Variants in AGFG2 observed in about 807,000 individuals in gnomAD.
AGFG2 encodes ArfGAP with FG repeats 2.
AGFG2 carries 31 observed loss-of-function variants against 48.0 expected under a neutral mutation model. That is an observed-to-expected ratio of 0.65 (90% confidence interval 0.49 to 0.87). AGFG2 has a LOEUF of 0.87. Ranked by LOEUF, AGFG2 falls within the 40% of genes least tolerant of loss-of-function variation. The pLI is 0.00. For missense variants in AGFG2, 599 were observed against 632.6 expected (o/e 0.95, Z 0.57); for synonymous variants, 229 against 260.8 (o/e 0.88, Z 1.18).
rs180994988 is a variant in AGFG2 at position 100,557,538 on chromosome 7, C to T, written c.877+1803C>T. ...GTGCAATGGCGTGATCTCATTCAAG[C>T]GATTCTCCTGCCTCAGCCTCCTGAG... is the stretch of plus-strand genomic sequence containing the variant. On this transcript the variant is annotated intron_variant, in intron 6 of 11. Coordinates refer to ENST00000300176, the MANE Select transcript of AGFG2 (RefSeq NM_006076.5). Among the ~76,000 whole-genome samples the T allele has an allele frequency of 2.8e-3, 419 of 152,230 alleles. 1 individual carries two copies. Among genetic ancestry groups the T allele is most frequent in the Non-Finnish European group, 4.9e-3 (334 of 67,988 alleles).
At chr7:100,551,750 G>C (rs1353070770) in intron 3 of AGFG2, among the ~76,000 whole-genome samples, 6 of 150,460 alleles carry the variant, frequency 4.0e-5, no homozygotes, top group African/African-American at 1.2e-4. Flanking sequence ...AGCTGGGTGT[G>C]GGGGTGGACA....
At chr7:100,547,957 T>C (rs1371635322) in intron 1 of AGFG2, among the ~76,000 whole-genome samples, 1 of 152,218 alleles carries the variant, frequency 6.6e-6, no homozygotes, top group Non-Finnish European at 1.5e-5. Flanking sequence ...TAGAGACTGT[T>C]TTTTGTCACC....
intron 1 of AGFG2, among the ~76,000 whole-genome samples, chr7:100,540,881 G>A (rs189619240): frequency 1.3e-4 from 20 of 151,926 alleles, no homozygotes; most frequent in Admixed American, 2.6e-4. Flanking sequence ...GTGTGGTGGC[G>A]CGCACCTGTA....
At position 100,564,974 on chromosome 7, in the gene AGFG2, A is replaced by G; in HGVS notation, c.1429A>G (p.Thr477Ala). 1 of 1,613,852 alleles carries G rather than the reference A, an allele frequency of 6.2e-7. No individual in the cohort carries two copies. Among genetic ancestry groups the G allele is most frequent in the Non-Finnish European group, 8.5e-7 (1 of 1,179,924 alleles). The change falls in exon 12 of 12, where the codon ACC (threonine) becomes GCC (alanine). Residue 477 changes from threonine (T) to alanine (A), a missense_variant. By Grantham distance (58) the Thr-to-Ala change is moderately conservative (BLOSUM62 0). Coordinates refer to ENST00000300176, the MANE Select transcript of AGFG2 (RefSeq NM_006076.5). ...SSPFASKPPT[T>A]NPFL is the part of the protein sequence containing the mutation. Reference sequence around the variant, plus strand: ...CCCATTCGCCTCCAAACCTCCAACCACCAACCCCTTCTTGTAGCACTGTGT... The same window carrying G: ...CCCATTCGCCTCCAAACCTCCAACCGCCAACCCCTTCTTGTAGCACTGTGT...
In AGFG2 at chr7:100,566,674, C is replaced by T. The variant is rs978680226; in HGVS notation, c.*1683C>T. Reference sequence around the variant, plus strand: ...GGATTGGCCTCCCTGTCTTTTCCAACAATCAGGACCCCATCCTGTCTGTTC... The same window carrying T: ...GGATTGGCCTCCCTGTCTTTTCCAATAATCAGGACCCCATCCTGTCTGTTC... On this transcript the variant is annotated 3_prime_UTR_variant, in exon 12 of 12. Transcript: ENST00000300176. 2.0e-5 allele frequency: 3 copies of T among 152,292 alleles called. No individual in the cohort carries two copies. Among genetic ancestry groups the T allele is most frequent in the East Asian group, 1.9e-4 (1 of 5,196 alleles). 9.4% of individuals were successfully genotyped at this position (152,292 alleles called of 1,614,324 possible). A position where few individuals can be genotyped will look rare whatever the true frequency, so the allele number is the denominator to read the frequency against.
chr7:100,551,019 GC>G (rs1800620680), intron 3 of AGFG2, among the ~76,000 whole-genome samples: 1 of 103,014 alleles, frequency 9.7e-6, no homozygotes, highest in African/African-American at 3.9e-5. Flanking sequence ...GTGCCACCAT[GC>G]CTGGCTAATT....
intron 9 of AGFG2, 91 bp from the exon 10 acceptor site, chr7:100,563,743 C>G: frequency 6.4e-7 from 1 of 1,558,510 alleles, no homozygotes; most frequent in Non-Finnish European, 8.7e-7. Context: ...AAACTATATC[C>G]CATTTTCCCA....
chr7:100,539,591 C>T (rs1800382830), intron 1 of AGFG2, 24 bp downstream of exon 1: 2 of 751,892 alleles, frequency 2.7e-6, no homozygotes, highest in Admixed American at 7.4e-5. Context: ...AGGGAGTGGC[C>T]GAGGTCGGCG....
At chr7:100,564,639 G>A (rs1395739298) in intron 11 of AGFG2, among the ~76,000 whole-genome samples, 1 of 152,004 alleles carries the variant, frequency 6.6e-6, no homozygotes, top group Admixed American at 6.5e-5. Context: ...AAGTAGCAGG[G>A]ACTACAGGTG....
At chr7:100,554,555 G>A (rs6970240) in intron 5 of AGFG2, among the ~76,000 whole-genome samples, 9,752 of 152,206 alleles carry the variant, frequency 0.064, 320 homozygotes, top group Middle Eastern at 0.078. Flanking sequence ...GGATTATCAT[G>A]TGTTCCAGTT....
At chr7:100,561,732 A>G (rs1163337212) in intron 6 of AGFG2, among the ~76,000 whole-genome samples, 1 of 152,194 alleles carries the variant, frequency 6.6e-6, no homozygotes, top group Non-Finnish European at 1.5e-5. Context: ...CTCCAGGCTC[A>G]GGGCACTGGG....
At position 100,539,346 on chromosome 7, in the gene AGFG2, G is replaced by T; in HGVS notation, c.-1G>T. ...GACTAGCGGGGAGGGAGTGGGCAGC[G>T]ATGGTGATGGCGGCGAAGAAGGGCC... On this transcript the variant is annotated 5_prime_UTR_variant, in exon 1 of 12. Coordinates refer to ENST00000300176, the MANE Select transcript of AGFG2 (RefSeq NM_006076.5). 7.9e-7 allele frequency: 1 copy of T among 1,270,518 alleles called. No homozygotes were observed. The highest frequency in any genetic ancestry group is 1.0e-6 in the Non-Finnish European group (1 of 1,004,288). The allele number at this position is 1,270,518 out of a possible 1,614,324, so 78.7% of individuals were successfully genotyped here.
chr7:100,564,915 T>C lies in AGFG2; in HGVS notation c.1387-17T>C, dbSNP rs1328926450. ...TCCTCTCCCCTAACTGGAAAATGTA[T>C]TGTTCTTTCTTTCCAGACTGGACCC... On this transcript the variant is annotated splice_polypyrimidine_tract_variant and intron_variant, in intron 11 of 11. Transcript: ENST00000300176. The C allele has an allele frequency of 3.1e-6, 5 of 1,613,538 alleles. No individual in the cohort carries two copies. The East Asian group carries it at 8.9e-5, about 29-fold the overall frequency.
rs566696610 is a variant in AGFG2, at chr7:100,545,918, C to T, written c.222-2904C>T. Among the ~76,000 whole-genome samples, 10 of 152,314 alleles carry T rather than the reference C, an allele frequency of 6.6e-5. No individual in the cohort carries two copies. The East Asian group carries it at 1.9e-3, about 29-fold the overall frequency. Reference sequence around the variant, plus strand: ...TCTCTGTGATTCAGAAAGAAAAACTCTGACTCATAGGCCATGTAACTAGGC... The same window carrying T: ...TCTCTGTGATTCAGAAAGAAAAACTTTGACTCATAGGCCATGTAACTAGGC... On this transcript the variant is annotated intron_variant, in intron 1 of 11. Transcript: ENST00000300176.
rs763676960 is a variant in AGFG2 at position 100,562,221 on chromosome 7, C to A, written c.878-38C>A. ...CTCCTGCCCCTCCCGCCCTGTCTTACCTCAGCTCTCCCTGTTGTATTTTCC... is the reference window on the plus strand; with the variant it reads ...CTCCTGCCCCTCCCGCCCTGTCTTAACTCAGCTCTCCCTGTTGTATTTTCC... On this transcript the variant is annotated intron_variant, in intron 6 of 11. Transcript: ENST00000300176. The surrounding 1 kb of genome is among the most constrained non-coding windows in gnomAD (Gnocchi z 5.4). The A allele has an allele frequency of 3.7e-6, 6 of 1,604,824 alleles. No individual in the cohort carries two copies. The highest frequency in any genetic ancestry group is 5.1e-6 in the Non-Finnish European group (6 of 1,173,836).
At chr7:100,546,846 T>C (rs751868651) in intron 1 of AGFG2, among the ~76,000 whole-genome samples, 2 of 152,154 alleles carry the variant, frequency 1.3e-5, no homozygotes, top group African/African-American at 4.8e-5. Context: ...ATCTCTGAAA[T>C]GTGATCGGAA....
At position 100,565,038 on chromosome 7, in the gene AGFG2, G is replaced by A; in HGVS notation, c.*47G>A. On this transcript the variant is annotated 3_prime_UTR_variant, in exon 12 of 12. Coordinates refer to ENST00000300176, the MANE Select transcript of AGFG2 (RefSeq NM_006076.5). ...CTTCCCTGCCTTCTGGGGCCCCTCTGCTCCCTAGAGCTCTGGTGACCACTT... is the reference window on the plus strand; with the variant it reads ...CTTCCCTGCCTTCTGGGGCCCCTCTACTCCCTAGAGCTCTGGTGACCACTT... 6.3e-7 allele frequency: 1 copy of A among 1,575,052 alleles called. No individual in the cohort carries two copies.
chr7:100,550,571 TC>T, intron 3 of AGFG2, 60 bp downstream of exon 3: 1 of 1,352,842 alleles, frequency 7.4e-7, no homozygotes, highest in Non-Finnish European at 1.1e-6. Context: ...CATCTGACAG[TC>T]CAGTTTCTAG....
At chr7:100,551,838 G>A (rs1375739972) in intron 3 of AGFG2, among the ~76,000 whole-genome samples, 4 of 120,458 alleles carry the variant, frequency 3.3e-5, no homozygotes, top group African/African-American at 1.3e-4. Context: ...AGTGAGCTGA[G>A]ATCATGCCAC....
Sources: allele counts gnomAD v4.1 joint callset (sites outside exome capture counted in the v4.1 genomes callset), GRCh38; gene constraint gnomAD v4.1.1; non-coding constraint Gnocchi (gnomAD v3.1); transcripts MANE v1.5; gene names NCBI Gene and HGNC (gene_info 2026-07-23, HGNC 2026-07-21).